The following ITPR1 variants were observed in gnomAD, a reference collection of about 807,000 sequenced individuals.
ITPR1 encodes the protein inositol 1,4,5-trisphosphate receptor type 1.
In ITPR1, 96 loss-of-function variants were observed where a neutral mutation model predicts 318.4. The observed-to-expected ratio is 0.30, with a 90% confidence interval of 0.26 to 0.36. The LOEUF (loss-of-function observed/expected upper bound fraction) is 0.36, where lower values mean the gene tolerates loss of function less well. Ranked by LOEUF, ITPR1 falls within the 10% of genes least tolerant of loss-of-function variation. The probability of loss-of-function intolerance (pLI) is 1.00; values close to 1 mark genes in which losing one functional copy is unlikely to be tolerated. For synonymous variants in ITPR1, 1,312 were observed against 1,289.9 expected (o/e 1.02, Z -0.37); for missense variants, 2,440 against 3,460.2 (o/e 0.71, Z 7.40).
intron 6 of ITPR1, among the ~76,000 whole-genome samples, chr3:4,640,015 A>C (rs1433708834): frequency 6.6e-6 from 1 of 152,146 alleles, no homozygotes; most frequent in Non-Finnish European, 1.5e-5. Flanking sequence ...CGTGGAGATA[A>C]AACACAATCC....
intron 39 of ITPR1, among the ~76,000 whole-genome samples, chr3:4,713,127 C>G (rs896353875): frequency 6.6e-6 from 1 of 152,202 alleles, no homozygotes; most frequent in African/African-American, 2.4e-5. Flanking sequence ...AGAGAATACA[C>G]TTACCAGACA....
chr3:4,529,832 C>T (rs1032745433), intron 4 of ITPR1, among the ~76,000 whole-genome samples: 4 of 152,054 alleles, frequency 2.6e-5, no homozygotes, highest in Non-Finnish European at 5.9e-5. Context: ...ACTTTACATA[C>T]ACTCATTTAT....
chr3:4,662,318 G>A, intron 15 of ITPR1, 76 bp downstream of exon 15: 2 of 1,303,582 alleles, frequency 1.5e-6, no homozygotes, highest in East Asian at 2.6e-5. Context: ...TGGAGTGAGA[G>A]AATGGTGACT....
Position 4,779,492 on chromosome 3 carries a change from C to T in ITPR1, c.6292-58C>T, listed in dbSNP as rs115737121. 2.7e-4 allele frequency: 353 copies of T among 1,308,902 alleles called. No individual in the cohort carries two copies. In the African/African-American group the frequency reaches 4.3e-3, roughly 16 times the overall value. 81.1% of individuals were successfully genotyped at this position (1,308,902 alleles called of 1,614,324 possible). A position where few individuals can be genotyped will look rare whatever the true frequency, so the allele number is the denominator to read the frequency against. ...CCATGTGCCAGTTGGCACCTGCATT[C>T]AGGCCGGGCCCCCAAGCAGCCCCTC... On this transcript the variant is annotated intron_variant, in intron 48 of 61. Coordinates refer to ENST00000649015, the MANE Select transcript of ITPR1 (RefSeq NM_001378452.1). The surrounding 1 kb of genome is among the most constrained non-coding windows in gnomAD (Gnocchi z 4.0).
At chr3:4,523,343 T>C (rs2124932366) in intron 4 of ITPR1, among the ~76,000 whole-genome samples, 1 of 152,346 alleles carries the variant, frequency 6.6e-6, no homozygotes, top group South Asian at 2.1e-4. Flanking sequence ...ATATTTATGG[T>C]GTACAACATG....
intron 4 of ITPR1, among the ~76,000 whole-genome samples, chr3:4,576,019 CAA>C (rs35517382): frequency 0.029 from 2,373 of 80,636 alleles, 55 homozygotes; most frequent in African/African-American, 0.083. Flanking sequence ...GATGCTGTCT[CAA>C]AAAAAAAAAA....
chr3:4,649,774 G>A (rs913108450), intron 10 of ITPR1, among the ~76,000 whole-genome samples: 1 of 152,192 alleles, frequency 6.6e-6, no homozygotes, highest in African/African-American at 2.4e-5. Context: ...GGCAGATTCA[G>A]TGTCTGGTGA....
intron 24 of ITPR1, among the ~76,000 whole-genome samples, chr3:4,679,043 G>A (rs1299764430): frequency 6.6e-6 from 1 of 152,176 alleles, no homozygotes. Context: ...AATGGAACAG[G>A]CAGGAGATAA....
At chr3:4,536,324 G>GA (rs1326309518) in intron 4 of ITPR1, among the ~76,000 whole-genome samples, 4 of 152,186 alleles carry the variant, frequency 2.6e-5, no homozygotes, top group Non-Finnish European at 4.4e-5. Context: ...CTATCTAATA[G>GA]AATTGGAAGG....
intron 4 of ITPR1, among the ~76,000 whole-genome samples, chr3:4,578,669 C>A (rs2088955146): frequency 6.6e-6 from 1 of 152,192 alleles, no homozygotes. Flanking sequence ...AGTGCTCCTC[C>A]AACCAACGTT....
chr3:4,749,945 T>C, intron 44 of ITPR1: 1 of 152,892 alleles, frequency 6.5e-6, no homozygotes, highest in Non-Finnish European at 1.5e-5. Flanking sequence ...CCCTGTGCAG[T>C]GCTCGTTTCC....
At position 4,691,268 on chromosome 3, in the gene ITPR1, A is replaced by G. The variant is rs2094475132; in HGVS notation, c.3953A>G (p.Tyr1318Cys). The change falls in exon 32 of 62, where the codon TAT (tyrosine) becomes TGT (cysteine). Residue 1318 changes from tyrosine (Y) to cysteine (C), a missense_variant. Tyr to Cys is a radical substitution (Grantham distance 194). Transcript: ENST00000649015. ...CIETHGRNVQ[Y>C]IKFLQTIVKA... is the part of the protein sequence containing the mutation. ...GAGACTCACGGTCGGAATGTCCAGT[A>G]TATAAAGTTCTTACAGACAATTGTC... 1 of 1,613,294 alleles carries G rather than the reference A, an allele frequency of 6.2e-7. No individual in the cohort carries two copies. The highest frequency in any genetic ancestry group is 1.3e-5 in the African/African-American group (1 of 74,952).
At chr3:4,774,752 T>C (rs4575882) in intron 46 of ITPR1, among the ~76,000 whole-genome samples, 147,597 of 152,342 alleles carry the variant, frequency 0.97, 71,513 homozygotes, top group East Asian at 0.98. Flanking sequence ...TCCAGGCTCC[T>C]GCCACATGGC....
At chr3:4,495,182 G>C (rs945339514) in intron 2 of ITPR1, among the ~76,000 whole-genome samples, 1 of 151,934 alleles carries the variant, frequency 6.6e-6, no homozygotes, top group African/African-American at 2.4e-5. Flanking sequence ...CATTTGAAGA[G>C]TGGGAGGTTT....
At chr3:4,665,414 G>C (rs1395561628) in intron 17 of ITPR1, 118 bp downstream of exon 17, 6 of 886,416 alleles carry the variant, frequency 6.8e-6, no homozygotes, top group African/African-American at 3.4e-5. Flanking sequence ...GAATAGTTCA[G>C]TGTTGAGCTT....
rs1463803293 is a variant in ITPR1 at position 4,766,679 on chromosome 3, G to A, written c.5694G>A (p.Glu1898=). The part of the protein sequence containing the change: ...SDLGNKKKDD[E]VDRDAPSRKK... Reference sequence around the variant, plus strand: ...TGGGAAATAAAAAGAAAGACGATGAGGTAGACAGGGATGCCCCATCACGGA... The same window carrying A: ...TGGGAAATAAAAAGAAAGACGATGAAGTAGACAGGGATGCCCCATCACGGA... The change falls in exon 45 of 62, where the codon GAG becomes GAA. Residue 1898 remains glutamate, a synonymous_variant. Coordinates refer to ENST00000649015, the MANE Select transcript of ITPR1 (RefSeq NM_001378452.1). 2.5e-6 allele frequency: 4 copies of A among 1,610,364 alleles called. No homozygotes were observed. The highest frequency in any genetic ancestry group is 2.7e-5 in the African/African-American group (2 of 74,672).
intron 4 of ITPR1, among the ~76,000 whole-genome samples, chr3:4,617,304 G>C (rs2092424599): frequency 1.3e-5 from 2 of 152,080 alleles, no homozygotes; most frequent in African/African-American, 2.4e-5. Context: ...CTGGAGGCTG[G>C]GAAGTCCAAT....
At chr3:4,802,155 G>A (rs1020647748) in intron 54 of ITPR1, among the ~76,000 whole-genome samples, 4 of 152,178 alleles carry the variant, frequency 2.6e-5, no homozygotes, top group Non-Finnish European at 4.4e-5. Flanking sequence ...ATTACTGCAG[G>A]CTTCCTCACA....
At chr3:4,843,506 T>G (rs949643398) in intron 61 of ITPR1, among the ~76,000 whole-genome samples, 1 of 152,212 alleles carries the variant, frequency 6.6e-6, no homozygotes, top group African/African-American at 2.4e-5. Context: ...AGCAGATTCA[T>G]GGGACCTACC....
Sources: allele counts gnomAD v4.1 joint callset (sites outside exome capture counted in the v4.1 genomes callset), GRCh38; gene constraint gnomAD v4.1.1; non-coding constraint Gnocchi (gnomAD v3.1); transcripts MANE v1.5; gene names NCBI Gene and HGNC (gene_info 2026-07-23, HGNC 2026-07-21).